NFKBIL1: variants seen among roughly 807,000 people sequenced by gnomAD.
NFKBIL1 encodes NF-kappa-B inhibitor-like protein 1.
In NFKBIL1, 30 loss-of-function variants were observed where a neutral mutation model predicts 45.4. That is an observed-to-expected ratio of 0.66 (90% confidence interval 0.49 to 0.90). The LOEUF is 0.90. Among genes scored for constraint, NFKBIL1 ranks in the 40% least tolerant of loss-of-function variants. The pLI, the probability that NFKBIL1 is intolerant of heterozygous loss-of-function variation, is 0.00. For synonymous variants in NFKBIL1, 179 were observed against 197.3 expected, an observed-to-expected ratio of 0.91 and a Z score of 0.78; for missense variants, 434 against 513.4, an observed-to-expected ratio of 0.85 and a Z score of 1.49.
upstream of NFKBIL1, among the ~76,000 whole-genome samples, chr6:31,547,181 T>C (rs1271872932): frequency 1.5e-5 from 1 of 66,602 alleles, no homozygotes; most frequent in Non-Finnish European, 2.7e-5. Flanking sequence ...TTCCGTCTTT[T>C]GTCTGTATTT....
chr6:31,551,405 C>T (rs867622260), intron 2 of NFKBIL1, among the ~76,000 whole-genome samples: 4 of 152,192 alleles, frequency 2.6e-5, no homozygotes, highest in African/African-American at 7.2e-5. Flanking sequence ...CCAAAAGGTT[C>T]GGGAACTTGT....
rs957490091 is a variant in NFKBIL1, at chr6:31,558,704, C to T, written c.*93C>T. ...AAGGATGGGGACCACAAGGAAGAGC[C>T]AGGTGCTGCTCAGCAGAGGATATGG... is the stretch of plus-strand genomic sequence containing the variant. On this transcript the variant is annotated 3_prime_UTR_variant, in exon 4 of 4. Transcript: ENST00000376148. The surrounding 1 kb of genome is among the most constrained non-coding windows in gnomAD (Gnocchi z 7.2). 6 of 1,162,018 alleles carry T rather than the reference C, an allele frequency of 5.2e-6. No individual in the cohort carries two copies. Among genetic ancestry groups the T allele is most frequent in the Non-Finnish European group, 6.0e-6 (5 of 835,854 alleles). 72.0% of individuals were successfully genotyped at this position (1,162,018 alleles called of 1,614,324 possible). A position where few individuals can be genotyped will look rare whatever the true frequency, so the allele number is the denominator to read the frequency against.
chr6:31,549,854 T>C (rs1769330069), intron 2 of NFKBIL1, among the ~76,000 whole-genome samples: 1 of 152,170 alleles, frequency 6.6e-6, no homozygotes, highest in Non-Finnish European at 1.5e-5. Flanking sequence ...AACATTTGAA[T>C]TCTGCAAAAC....
In NFKBIL1 at chr6:31,557,075, G is replaced by A. The variant is rs951432408; in HGVS notation, c.335-553G>A. Among the ~76,000 whole-genome samples, 2 of 151,698 alleles carry A rather than the reference G, an allele frequency of 1.3e-5. No homozygotes were observed. Among genetic ancestry groups the A allele is most frequent in the African/African-American group, 4.8e-5 (2 of 41,254 alleles). On this transcript the variant is annotated intron_variant, in intron 2 of 3. Coordinates refer to ENST00000376148, the MANE Select transcript of NFKBIL1 (RefSeq NM_005007.4). The surrounding 1 kb of genome is among the most constrained non-coding windows in gnomAD (Gnocchi z 5.4). Reference sequence around the variant, plus strand: ...GTTGGCATGGTAGAACTTCTAGGACGCTGAAATAGTTTGTGGAGACACAAG... The same window carrying A: ...GTTGGCATGGTAGAACTTCTAGGACACTGAAATAGTTTGTGGAGACACAAG...
intron 2 of NFKBIL1, among the ~76,000 whole-genome samples, chr6:31,550,545 G>A (rs906140349): frequency 6.6e-6 from 1 of 152,080 alleles, no homozygotes; most frequent in East Asian, 1.9e-4. Flanking sequence ...AGCTCATATT[G>A]TAAGAGGCAG....
chr6:31,547,707 T>A lies in NFKBIL1; in HGVS notation c.13T>A (p.Ser5Thr). 1 of 1,610,340 alleles carries A rather than the reference T, an allele frequency of 6.2e-7. No homozygotes were observed. ...GGGGGCAGGTCTGATGAGTAACCCC[T>A]CCCCCCAGGTTCCAGAGGAAGAAGC... MSNP[S>T]PQVPEEEAST... is the part of the protein sequence containing the mutation. The change falls in exon 1 of 4, where the codon TCC becomes ACC. Residue 5 changes from serine (S) to threonine (T), a missense_variant. Coordinates refer to ENST00000376148, the MANE Select transcript of NFKBIL1 (RefSeq NM_005007.4).
At chr6:31,551,428 A>G (rs973728495) in intron 2 of NFKBIL1, among the ~76,000 whole-genome samples, 1 of 152,238 alleles carries the variant, frequency 6.6e-6, no homozygotes, top group Non-Finnish European at 1.5e-5. Context: ...GAAATCTCAC[A>G]GCTCTCAGGT....
intron 2 of NFKBIL1, among the ~76,000 whole-genome samples, chr6:31,551,979 T>C (rs886683439): frequency 6.6e-6 from 1 of 152,074 alleles, no homozygotes; most frequent in African/African-American, 2.4e-5. Context: ...GTATTTTTAA[T>C]AGAGATGGGG....
chr6:31,558,301 C>T lies in NFKBIL1; in HGVS notation c.836C>T (p.Ala279Val). 6.3e-7 allele frequency: 1 copy of T among 1,580,476 alleles called. No homozygotes were observed. Among genetic ancestry groups the T allele is most frequent in the Non-Finnish European group, 8.6e-7 (1 of 1,162,918 alleles). ...LGDREPKPTR[A>V]GPREEHPRGA... Reference sequence around the variant, plus strand: ...GACCGAGAACCCAAGCCAACCAGGGCCGGGCCCAGGGAAGAGCACCCCAGA... The same window carrying T: ...GACCGAGAACCCAAGCCAACCAGGGTCGGGCCCAGGGAAGAGCACCCCAGA... Residue 279 changes from alanine (A) to valine (V), a missense_variant, in exon 4 of 4, where the codon GCC (alanine) becomes GTC (valine). Ala to Val is a moderately conservative substitution (Grantham distance 64). Coordinates refer to ENST00000376148, the MANE Select transcript of NFKBIL1 (RefSeq NM_005007.4). This position sits in a 1 kb window ranked among gnomAD's most constrained non-coding sequence, Gnocchi z 7.2.
chr6:31,547,454 CTTTAA>C (rs761217753), upstream of NFKBIL1: 337 of 409,796 alleles, frequency 8.2e-4, 1 homozygote, highest in Middle Eastern at 3.7e-3. Flanking sequence ...CAGACGGCCC[CTTTAA>C]TTTAAGTTCC....
At chr6:31,548,115 G>A (rs772296121) in intron 1 of NFKBIL1, 48 bp from the exon 2 acceptor site, 8 of 1,611,898 alleles carry the variant, frequency 5.0e-6, no homozygotes, top group African/African-American at 1.3e-5. Context: ...GAGGGAGAAG[G>A]ACCAGCCAAG....
rs1769785033 is a variant in NFKBIL1, at chr6:31,557,130, C to T, written c.335-498C>T. Among the ~76,000 whole-genome samples the T allele has an allele frequency of 1.4e-5, 2 of 139,926 alleles. No homozygotes were observed. The highest frequency in any genetic ancestry group is 2.7e-5 in the African/African-American group (1 of 37,138). The allele number at this position is 139,926 out of a possible 152,430, so 91.8% of individuals were successfully genotyped here. A position where few individuals can be genotyped will look rare whatever the true frequency, so the allele number is the denominator to read the frequency against. Reference sequence around the variant, plus strand: ...AATTTTTTTTTTTTTTTTTTTGAGACGGAGTCTTGCTCTGTCACCTAGGCT... The same window carrying T: ...AATTTTTTTTTTTTTTTTTTTGAGATGGAGTCTTGCTCTGTCACCTAGGCT... On this transcript the variant is annotated intron_variant, in intron 2 of 3. Transcript: ENST00000376148. This position sits in a 1 kb window ranked among gnomAD's most constrained non-coding sequence, Gnocchi z 5.4.
chr6:31,553,502 T>G (rs1769551936), intron 2 of NFKBIL1, among the ~76,000 whole-genome samples: 1 of 152,138 alleles, frequency 6.6e-6, no homozygotes, highest in Non-Finnish European at 1.5e-5. Flanking sequence ...TGGGGAGGAA[T>G]GAAACTTGGA....
intron 2 of NFKBIL1, among the ~76,000 whole-genome samples, chr6:31,550,087 G>A (rs538625854): frequency 5.3e-5 from 8 of 152,160 alleles, no homozygotes; most frequent in Admixed American, 2.0e-4. Flanking sequence ...TGTAGTCTCA[G>A]CTACTTGGGA....
At chr6:31,549,366 G>A (rs539057022) in intron 2 of NFKBIL1, among the ~76,000 whole-genome samples, 29 of 151,512 alleles carry the variant, frequency 1.9e-4, no homozygotes, top group Admixed American at 4.6e-4. Flanking sequence ...ATTCTCATGC[G>A]TCAGCCTCCC....
chr6:31,548,053 T>G, intron 1 of NFKBIL1, 110 bp from the exon 2 acceptor site: 1 of 1,412,066 alleles, frequency 7.1e-7, no homozygotes, highest in Non-Finnish European at 9.8e-7. Context: ...TTGCTGAAGA[T>G]ATTAAAAAAA....
intron 2 of NFKBIL1, among the ~76,000 whole-genome samples, chr6:31,555,292 C>T (rs1270715856): frequency 1.4e-5 from 2 of 141,768 alleles, no homozygotes; most frequent in Non-Finnish European, 3.0e-5. Flanking sequence ...GGCTGGAGTG[C>T]ACTGGCATGA....
At chr6:31,548,522 TG>T (rs1769249807) in intron 2 of NFKBIL1, 83 bp downstream of exon 2, 5 of 1,362,958 alleles carry the variant, frequency 3.7e-6, no homozygotes, top group Admixed American at 3.4e-5. Flanking sequence ...AGAAATAAGC[TG>T]GTTATTTGGT....
At chr6:31,556,726 T>G (rs1769760517) in intron 2 of NFKBIL1, 2 of 457,030 alleles carry the variant, frequency 4.4e-6, no homozygotes, top group Non-Finnish European at 8.8e-6. Flanking sequence ...GAGCTTGCTC[T>G]GCCGCCGGCC....
Sources: allele counts gnomAD v4.1 joint callset (sites outside exome capture counted in the v4.1 genomes callset), GRCh38; gene constraint gnomAD v4.1.1; non-coding constraint Gnocchi (gnomAD v3.1); transcripts MANE v1.5; gene names NCBI Gene and HGNC (gene_info 2026-07-23, HGNC 2026-07-21).